PRDM2: variants seen among roughly 807,000 people sequenced by gnomAD.
PRDM2 encodes the protein PR domain zinc finger protein 2.
A neutral mutation model predicts 130.0 loss-of-function variants in PRDM2; 30 were observed. That is an observed-to-expected ratio of 0.23 (90% CI 0.17 to 0.31). The LOEUF is 0.31. PRDM2 is among the 10% of genes least tolerant of loss of function. PRDM2 has a pLI of 1.00. For synonymous variants in PRDM2, 871 were observed against 782.4 expected (o/e 1.11, Z -1.89); for missense variants, 2,011 against 2,108.4 (o/e 0.95, Z 0.90).
intron 6 of PRDM2, among the ~76,000 whole-genome samples, chr1:13,759,071 G>A (rs1285039843): frequency 6.6e-6 from 1 of 151,910 alleles, no homozygotes; most frequent in East Asian, 1.9e-4. Flanking sequence ...TAGTGAATTA[G>A]CTGTCTGTTA....
chr1:13,718,719 C>T (rs1642628065), intron 2 of PRDM2, among the ~76,000 whole-genome samples: 1 of 152,094 alleles, frequency 6.6e-6, no homozygotes, highest in South Asian at 2.1e-4. Flanking sequence ...TGGGTGGCAG[C>T]GAGAGCAGTA....
chr1:13,785,763 G>A (rs1644720588), intron 8 of PRDM2, among the ~76,000 whole-genome samples: 1 of 148,190 alleles, frequency 6.7e-6, no homozygotes. Flanking sequence ...GAAAGGGAAG[G>A]AAAGAGGTGT....
chr1:13,750,513 T>G (rs1643793347), intron 6 of PRDM2, among the ~76,000 whole-genome samples: 2 of 152,138 alleles, frequency 1.3e-5, no homozygotes, highest in African/African-American at 4.8e-5. Flanking sequence ...ATACTGTAAA[T>G]AAAATCATAT....
In PRDM2 at chr1:13,782,681, C is replaced by T. The variant is rs138416995; in HGVS notation, c.4886C>T (p.Ala1629Val). 1.9e-5 allele frequency: 30 copies of T among 1,613,940 alleles called. No homozygotes were observed. The highest frequency in any genetic ancestry group is 8.0e-5 in the African/African-American group (6 of 74,904). The stretch of plus-strand genomic sequence containing the variant: ...GTTTTACAAAGCAAATCCACCTTGG[C>T]GAGTAAGAAAAGAACAGACCGGTTC... ...KAVLQSKSTL[A>V]SKKRTDRFNI... Residue 1629 changes from alanine (A) to valine (V), a missense_variant, in exon 8 of 10, where the codon GCG becomes GTG. Physicochemically the swap from Ala to Val is moderately conservative, Grantham distance 64. Transcript: ENST00000311066.
chr1:13,715,160 G>A (rs1371458276), intron 1 of PRDM2, among the ~76,000 whole-genome samples: 2 of 152,146 alleles, frequency 1.3e-5, no homozygotes, highest in African/African-American at 2.4e-5. Context: ...TGGTGTTTAC[G>A]TACAACACAG....
chr1:13,765,567 G>T (rs1644207003), intron 6 of PRDM2, among the ~76,000 whole-genome samples: 1 of 152,084 alleles, frequency 6.6e-6, no homozygotes, highest in Non-Finnish European at 1.5e-5. Flanking sequence ...CTGGGTTCAA[G>T]CGATTATCCT....
chr1:13,775,996 C>G (rs1644466874), intron 7 of PRDM2, among the ~76,000 whole-genome samples: 1 of 152,182 alleles, frequency 6.6e-6, no homozygotes, highest in Non-Finnish European at 1.5e-5. Flanking sequence ...TGACTCTTTT[C>G]TGCTTGCTTT....
intron 8 of PRDM2, among the ~76,000 whole-genome samples, chr1:13,799,680 A>G (rs1644977715): frequency 6.6e-6 from 1 of 152,228 alleles, no homozygotes; most frequent in Non-Finnish European, 1.5e-5. Context: ...CATTCCCAGC[A>G]GCCAAGTTAA....
chr1:13,797,150 T>C (rs924657059), intron 8 of PRDM2, among the ~76,000 whole-genome samples: 4 of 152,262 alleles, frequency 2.6e-5, no homozygotes, highest in Non-Finnish European at 5.9e-5. Flanking sequence ...TACTGGTAGT[T>C]CACTACCTTT....
At chr1:13,728,062 T>C (rs1642981134) in intron 2 of PRDM2, among the ~76,000 whole-genome samples, 1 of 152,212 alleles carries the variant, frequency 6.6e-6, no homozygotes, top group African/African-American at 2.4e-5. Context: ...CCTACCTCAA[T>C]TTCAAGAAAT....
Sources: allele counts gnomAD v4.1 joint callset (sites outside exome capture counted in the v4.1 genomes callset), GRCh38; gene constraint gnomAD v4.1.1; transcripts MANE v1.5; gene names NCBI Gene and HGNC (gene_info 2026-07-23, HGNC 2026-07-21).